Variants in NPAS3 observed in about 807,000 individuals in gnomAD.
NPAS3 encodes neuronal PAS domain protein 3.
A neutral mutation model predicts 73.1 loss-of-function variants in NPAS3; 14 were observed. That is an observed-to-expected ratio of 0.19 (90% CI 0.13 to 0.30). NPAS3 has a LOEUF of 0.30. NPAS3 is among the 10% of genes least tolerant of loss of function. The pLI, the probability that NPAS3 is intolerant of heterozygous loss-of-function variation, is 1.00. For synonymous variants in NPAS3, 620 were observed against 541.5 expected (o/e 1.14, Z -2.01); for missense variants, 1,096 against 1,250.0 (o/e 0.88, Z 1.86).
intron 5 of NPAS3, among the ~76,000 whole-genome samples, chr14:33,660,556 A>G (rs530181145): frequency 2.0e-5 from 3 of 152,332 alleles, no homozygotes; most frequent in Non-Finnish European, 2.9e-5. Context: ...GAATCAGATT[A>G]AAAACACAAA....
chr14:32,949,695 A>G (rs2036406035), intron 1 of NPAS3, among the ~76,000 whole-genome samples: 1 of 152,070 alleles, frequency 6.6e-6, no homozygotes, highest in Admixed American at 6.6e-5. Flanking sequence ...AGGTTGATAA[A>G]GCCAAATAAG....
At chr14:33,270,190 C>A (rs2041006416) in intron 3 of NPAS3, among the ~76,000 whole-genome samples, 1 of 152,114 alleles carries the variant, frequency 6.6e-6, no homozygotes, top group South Asian at 2.1e-4. Context: ...TATAGCCTCC[C>A]AGACATTTCC....
intron 2 of NPAS3, among the ~76,000 whole-genome samples, chr14:33,118,054 G>A (rs935903103): frequency 1.3e-5 from 2 of 151,892 alleles, no homozygotes; most frequent in Non-Finnish European, 1.5e-5. Context: ...TCAAGTTTTG[G>A]GGAGCATATT....
chr14:33,578,702 T>C (rs185530563), intron 5 of NPAS3, among the ~76,000 whole-genome samples: 1 of 152,344 alleles, frequency 6.6e-6, no homozygotes, highest in East Asian at 1.9e-4. Flanking sequence ...GGTCAGTCAA[T>C]GCTGAAGTCT....
At chr14:33,661,121 C>T (rs1209208924) in intron 5 of NPAS3, among the ~76,000 whole-genome samples, 1 of 149,754 alleles carries the variant, frequency 6.7e-6, no homozygotes, top group African/African-American at 2.5e-5. Flanking sequence ...AAAAGACAGC[C>T]GGCAAACTGT....
chr14:33,208,870 A>G (rs975175034), intron 2 of NPAS3, among the ~76,000 whole-genome samples: 1 of 152,196 alleles, frequency 6.6e-6, no homozygotes, highest in African/African-American at 2.4e-5. Context: ...CAAACAGTGC[A>G]TCTTTACTGA....
At chr14:33,794,015 GAAT>G (rs747620222) in exon 10 of NPAS3, 3 of 1,613,408 alleles carry the variant, frequency 1.9e-6, no homozygotes, top group Non-Finnish European at 1.7e-6. Context: ...CAAATGAAAA[GAAT>G]ATCATCTGGG....
chr14:33,380,064 T>TA (rs372315350), intron 4 of NPAS3, among the ~76,000 whole-genome samples: 6,581 of 146,758 alleles, frequency 0.045, 512 homozygotes, highest in African/African-American at 0.16. Context: ...ATGTTGAAAA[T>TA]AAAAAAAATA....
intron 2 of NPAS3, among the ~76,000 whole-genome samples, chr14:33,170,563 T>C (rs2045351914): frequency 6.6e-6 from 1 of 152,240 alleles, no homozygotes. Flanking sequence ...ACAGTAAAAC[T>C]TCTATCAAAA....
At chr14:33,429,574 A>G (rs1390593841) in intron 4 of NPAS3, among the ~76,000 whole-genome samples, 10 of 152,178 alleles carry the variant, frequency 6.6e-5, no homozygotes, top group African/African-American at 2.4e-4. Flanking sequence ...AAAGCAATTT[A>G]CAAGGTACTT....
At chr14:33,434,104 A>G (rs1032665120) in intron 4 of NPAS3, among the ~76,000 whole-genome samples, 1 of 152,156 alleles carries the variant, frequency 6.6e-6, no homozygotes, top group Non-Finnish European at 1.5e-5. Flanking sequence ...AGGCAGCAGA[A>G]CCGCTTGAAC....
chr14:32,998,420 T>G (rs532986867), intron 1 of NPAS3, among the ~76,000 whole-genome samples: 19 of 152,306 alleles, frequency 1.2e-4, no homozygotes, highest in South Asian at 4.1e-4. Context: ...GGTTTTTTTT[T>G]GGGGTGATGA....
At chr14:33,205,485 T>C (rs2046788898) in intron 2 of NPAS3, among the ~76,000 whole-genome samples, 2 of 152,136 alleles carry the variant, frequency 1.3e-5, no homozygotes, top group South Asian at 4.1e-4. Context: ...TTTCTAGAAG[T>C]TGTAATAATT....
At position 33,302,741 on chromosome 14, in the gene NPAS3, T is replaced by C. The variant is rs572391878; in HGVS notation, c.386-64445T>C. On this transcript the variant is annotated intron_variant, in intron 3 of 11. Coordinates refer to ENST00000356141, the Ensembl canonical transcript of NPAS3. ...GGTAGTTCTGGAGGATGTTAGTTCC[T>C]ACACAGTGATGATCTGGTTAGTTCA... 5.9e-5 allele frequency among the ~76,000 whole-genome samples: 9 copies of C among 152,200 alleles called. 1 individual carries two copies. Among genetic ancestry groups the C allele is most frequent in the Non-Finnish European group, 1.3e-4 (9 of 68,034 alleles).
At chr14:33,674,352 A>G (rs1161566599) in intron 5 of NPAS3, among the ~76,000 whole-genome samples, 1 of 152,246 alleles carries the variant, frequency 6.6e-6, no homozygotes, top group East Asian at 1.9e-4. Context: ...AATATTTACG[A>G]AAGTGCTACA....
intron 4 of NPAS3, among the ~76,000 whole-genome samples, chr14:33,456,985 T>G (rs1030974): frequency 0.73 from 110,334 of 152,038 alleles, 40,349 homozygotes; most frequent in East Asian, 0.85. Context: ...CATAATGAGG[T>G]CCAATGCAGT....
At chr14:33,236,232 A>T (rs2048029424) in intron 3 of NPAS3, among the ~76,000 whole-genome samples, 1 of 151,990 alleles carries the variant, frequency 6.6e-6, no homozygotes, top group African/African-American at 2.4e-5. Flanking sequence ...TGGTGGATTG[A>T]AGCTGAAGCT....
chr14:32,938,257 C>A (rs1284441696), upstream of NPAS3, among the ~76,000 whole-genome samples: 2 of 152,072 alleles, frequency 1.3e-5, no homozygotes, highest in African/African-American at 4.8e-5. Flanking sequence ...AGCGCACCCC[C>A]CATCCGTATT....
At chr14:33,247,545 G>A (rs2048436293) in intron 3 of NPAS3, among the ~76,000 whole-genome samples, 1 of 152,166 alleles carries the variant, frequency 6.6e-6, no homozygotes, top group South Asian at 2.1e-4. Flanking sequence ...GGACAGCGGG[G>A]CATTGTGCAT....
Sources: allele counts gnomAD v4.1 joint callset (sites outside exome capture counted in the v4.1 genomes callset), GRCh38; gene constraint gnomAD v4.1.1; transcripts MANE v1.5; gene names NCBI Gene and HGNC (gene_info 2026-07-23, HGNC 2026-07-21).